VAV3: variants seen among roughly 807,000 people sequenced by gnomAD.
VAV3 encodes the protein guanine nucleotide exchange factor VAV3.
In VAV3, 94 loss-of-function variants were observed where a neutral mutation model predicts 131.2. That is an observed-to-expected ratio of 0.72 (90% CI 0.61 to 0.85). The LOEUF (loss-of-function observed/expected upper bound fraction) is 0.85. Among genes scored for constraint, VAV3 ranks in the 40% least tolerant of loss-of-function variants. The pLI, the probability that VAV3 is intolerant of heterozygous loss-of-function variation, is 0.00. For synonymous variants in VAV3, 349 were observed against 342.0 expected, an observed-to-expected ratio of 1.02 and a Z score of -0.22; for missense variants, 939 against 1,002.7, an observed-to-expected ratio of 0.94 and a Z score of 0.86.
At chr1:107,913,418 T>C (rs181671322) in intron 1 of VAV3, among the ~76,000 whole-genome samples, 1 of 152,364 alleles carries the variant, frequency 6.6e-6, no homozygotes, top group Admixed American at 6.5e-5. Flanking sequence ...AGTACACTGC[T>C]AATCGCTCAC....
At chr1:107,675,712 T>C (rs1658158802) in intron 19 of VAV3, among the ~76,000 whole-genome samples, 1 of 152,164 alleles carries the variant, frequency 6.6e-6, no homozygotes, top group South Asian at 2.1e-4. Context: ...CAAAACATGC[T>C]GTGTTAGGTT....
At chr1:107,882,057 A>G (rs539787419) in intron 1 of VAV3, among the ~76,000 whole-genome samples, 2 of 152,242 alleles carry the variant, frequency 1.3e-5, no homozygotes, top group East Asian at 3.9e-4. Context: ...ATAAACACCG[A>G]CTTCTCCAAA....
At chr1:107,765,197 A>G in intron 8 of VAV3, 22 bp from the exon 9 acceptor site, 2 of 1,582,380 alleles carry the variant, frequency 1.3e-6, no homozygotes, top group Non-Finnish European at 1.7e-6. Context: ...AAAAGACAAG[A>G]AATCTCTAAG....
At chr1:107,774,420 C>T (rs1242464755) in intron 4 of VAV3, among the ~76,000 whole-genome samples, 4 of 152,162 alleles carry the variant, frequency 2.6e-5, no homozygotes, top group East Asian at 3.9e-4. Context: ...TGAGTGCATG[C>T]GTGCATGCAA....
At chr1:107,643,112 G>T (rs181621295) in intron 19 of VAV3, among the ~76,000 whole-genome samples, 10 of 152,174 alleles carry the variant, frequency 6.6e-5, no homozygotes, top group Non-Finnish European at 1.2e-4. Context: ...TATCCTTTCT[G>T]CCTATTACTT....
chr1:107,686,107 T>C (rs1422816168), intron 18 of VAV3, among the ~76,000 whole-genome samples: 2 of 151,672 alleles, frequency 1.3e-5, no homozygotes, highest in Non-Finnish European at 2.9e-5. Context: ...CTCATTACCA[T>C]TGCCTTATCT....
intron 2 of VAV3, among the ~76,000 whole-genome samples, chr1:107,868,425 C>A (rs1217031131): frequency 6.6e-6 from 1 of 152,108 alleles, no homozygotes; most frequent in Non-Finnish European, 1.5e-5. Flanking sequence ...GGCTCAGAAG[C>A]CTTTGCTTGG....
At position 107,692,952 on chromosome 1, in the gene VAV3, A is replaced by G. The variant is rs560016967; in HGVS notation, c.1706-4546T>C. 1.6e-3 allele frequency among the ~76,000 whole-genome samples: 245 copies of G among 152,280 alleles called. 1 individual carries two copies. Among genetic ancestry groups the G allele is most frequent in the African/African-American group, 5.6e-3 (233 of 41,556 alleles). On this transcript the variant is annotated intron_variant, in intron 17 of 26. Coordinates refer to ENST00000370056, the MANE Select transcript of VAV3 (RefSeq NM_006113.5). The stretch of plus-strand genomic sequence containing the variant: ...AGCTATACTGGTCAATGTCAGAGTA[A>G]GAAGTGGAGACCAAAGGGGCTTAGT...
At chr1:107,631,110 C>T (rs190726172) in intron 20 of VAV3, among the ~76,000 whole-genome samples, 50 of 152,164 alleles carry the variant, frequency 3.3e-4, no homozygotes, top group Admixed American at 1.0e-3. Context: ...CAAAAAGGTA[C>T]CCCTTATTTG....
rs189922000 is a variant in VAV3, at chr1:107,865,146, G to T, written c.321+9755C>A. 9.5e-4 allele frequency among the ~76,000 whole-genome samples: 144 copies of T among 152,326 alleles called. 1 individual carries two copies. The highest frequency in any genetic ancestry group is 3.7e-3 in the Admixed American group (57 of 15,304). ...CTTTCCTGCACACAGGTGGCTGGGG[G>T]CAGGGTAGGGTGAAAGTCAGTTTTA... is the stretch of plus-strand genomic sequence containing the variant. On this transcript the variant is annotated intron_variant, in intron 2 of 26. Coordinates refer to ENST00000370056, the MANE Select transcript of VAV3 (RefSeq NM_006113.5).
intron 19 of VAV3, among the ~76,000 whole-genome samples, chr1:107,645,729 T>C (rs576111890): frequency 2.0e-5 from 3 of 152,080 alleles, no homozygotes; most frequent in Non-Finnish European, 4.4e-5. Context: ...ACAGAAGGCA[T>C]CACACTTCAC....
At chr1:107,680,878 C>T (rs1014631902) in intron 19 of VAV3, among the ~76,000 whole-genome samples, 19 of 152,154 alleles carry the variant, frequency 1.2e-4, no homozygotes, top group African/African-American at 4.6e-4. Context: ...GGCAACATGG[C>T]TCAGAGCCAT....
intron 20 of VAV3, among the ~76,000 whole-genome samples, chr1:107,638,633 T>C (rs2101471932): frequency 6.6e-6 from 1 of 152,250 alleles, no homozygotes; most frequent in East Asian, 1.9e-4. Flanking sequence ...GAGATTCCAA[T>C]CAAAATCTCA....
chr1:107,596,240 T>C lies in VAV3; in HGVS notation c.2322A>G (p.Gly774=), dbSNP rs894941101. ...FPYKEPEHSA[G]QRGNRAGNSL... is the part of the protein sequence containing the mutation. ...TGTTGCCTGCTCTATTACCCCTCTG[T>C]CCAGCTGAATGTTCTGGCTCCTTGT... is the stretch of plus-strand genomic sequence containing the variant. The change falls in exon 25 of 27, where the codon GGA becomes GGG. Residue 774 remains glycine, a synonymous_variant. Coordinates refer to ENST00000370056, the MANE Select transcript of VAV3 (RefSeq NM_006113.5). 1.2e-6 allele frequency: 2 copies of C among 1,613,604 alleles called. No homozygotes were observed. Among genetic ancestry groups the C allele is most frequent in the South Asian group, 1.1e-5 (1 of 91,044 alleles).
At chr1:107,787,184 G>T (rs545489321) in intron 2 of VAV3, among the ~76,000 whole-genome samples, 25 of 152,220 alleles carry the variant, frequency 1.6e-4, no homozygotes, top group African/African-American at 6.0e-4. Flanking sequence ...TTAGTACCAG[G>T]TCCCTTTTCT....
intron 25 of VAV3, among the ~76,000 whole-genome samples, chr1:107,584,437 C>T (rs958298566): frequency 6.6e-5 from 10 of 152,228 alleles, no homozygotes; most frequent in East Asian, 1.9e-4. Context: ...AGCTTCTGCA[C>T]GGCAAAAGAA....
chr1:107,922,808 C>A (rs1167271297), intron 1 of VAV3, among the ~76,000 whole-genome samples: 1 of 151,594 alleles, frequency 6.6e-6, no homozygotes, highest in African/African-American at 2.4e-5. Context: ...AAAAATTAGC[C>A]GGGCGTGGTG....
At chr1:107,703,367 G>T (rs1012067093) in intron 17 of VAV3, among the ~76,000 whole-genome samples, 4 of 152,194 alleles carry the variant, frequency 2.6e-5, no homozygotes, top group African/African-American at 7.2e-5. Context: ...TGAGTAAACT[G>T]CATAAGCAAT....
chr1:107,580,811 T>C (rs1027116075), intron 25 of VAV3, among the ~76,000 whole-genome samples: 4 of 152,218 alleles, frequency 2.6e-5, no homozygotes, highest in Non-Finnish European at 5.9e-5. Flanking sequence ...AAAATATTTT[T>C]AGAATGATTT....
Sources: allele counts gnomAD v4.1 joint callset (sites outside exome capture counted in the v4.1 genomes callset), GRCh38; gene constraint gnomAD v4.1.1; transcripts MANE v1.5; gene names NCBI Gene and HGNC (gene_info 2026-07-23, HGNC 2026-07-21).